The following PHF24 variants were observed in gnomAD, a reference collection of about 807,000 sequenced individuals.
The protein encoded by PHF24 is Galpha inhibitory interacting protein.
A neutral mutation model predicts 42.6 loss-of-function variants in PHF24; 25 were observed. The ratio of observed to expected loss-of-function variants is 0.59; its 90% confidence interval spans 0.43 to 0.82. PHF24 has a LOEUF of 0.82. Among genes scored for constraint, PHF24 ranks in the 40% least tolerant of loss-of-function variants. The pLI is 0.00. For missense variants in PHF24, 470 were observed against 538.1 expected (o/e 0.87, Z 1.25); for synonymous variants, 185 against 204.8 (o/e 0.90, Z 0.83).
the PHF24 span, among the ~76,000 whole-genome samples, chr9:34,716,496 G>A: frequency 6.6e-6 from 1 of 152,094 alleles, no homozygotes; most frequent in Non-Finnish European, 1.5e-5. Context: ...CTTAATCCAA[G>A]GAGATAAATT....
the PHF24 span, among the ~76,000 whole-genome samples, chr9:34,756,053 T>A: frequency 6.6e-6 from 1 of 152,254 alleles, no homozygotes; most frequent in East Asian, 1.9e-4. Flanking sequence ...CTGGTAGTTT[T>A]AAAGTTTTTG....
At chr9:34,853,619 G>C in the PHF24 span, among the ~76,000 whole-genome samples, 2 of 151,874 alleles carry the variant, frequency 1.3e-5, no homozygotes, top group African/African-American at 4.8e-5. Context: ...ACGAGGTCAG[G>C]AGATCGAGAC....
the PHF24 span, among the ~76,000 whole-genome samples, chr9:34,944,043 C>G: frequency 6.6e-6 from 1 of 152,236 alleles, no homozygotes; most frequent in African/African-American, 2.4e-5. Flanking sequence ...TGCTTGCTCA[C>G]TTTCCTCAGC....
At chr9:34,837,733 G>A in the PHF24 span, 1 of 1,393,548 alleles carries the variant, frequency 7.2e-7, no homozygotes, top group East Asian at 2.5e-5. Flanking sequence ...TGTGAAGCTG[G>A]GACACCATTT....
At chr9:34,848,436 T>C in the PHF24 span, among the ~76,000 whole-genome samples, 20 of 151,714 alleles carry the variant, frequency 1.3e-4, no homozygotes, top group South Asian at 4.2e-4. Context: ...TCTGTGGGAT[T>C]GGTGGTGATA....
upstream of PHF24, among the ~76,000 whole-genome samples, chr9:34,956,402 G>A (rs190498060): frequency 2.1e-3 from 317 of 152,302 alleles, 2 homozygotes; most frequent in Non-Finnish European, 2.9e-3. Flanking sequence ...TGGGACCACA[G>A]GCGCGTGCCA....
At chr9:34,714,768 A>G in the PHF24 span, among the ~76,000 whole-genome samples, 1 of 152,156 alleles carries the variant, frequency 6.6e-6, no homozygotes, top group African/African-American at 2.4e-5. Flanking sequence ...ATTGTAGAAA[A>G]AAAGGAGAGA....
chr9:34,945,400 GGCTGGGAGA>G, the PHF24 span, among the ~76,000 whole-genome samples: 1 of 152,216 alleles, frequency 6.6e-6, no homozygotes, highest in African/African-American at 2.4e-5. Flanking sequence ...AATCAGAGAA[GGCTGGGAGA>G]GCTATCAGAA....
the PHF24 span, chr9:34,665,939 T>C: frequency 3.8e-6 from 2 of 525,438 alleles, no homozygotes; most frequent in Non-Finnish European, 6.8e-6. Context: ...GCTGGGAGAT[T>C]TGGGGCCCTG....
chr9:34,797,722 CG>C, the PHF24 span, among the ~76,000 whole-genome samples: 6 of 151,394 alleles, frequency 4.0e-5, no homozygotes, highest in East Asian at 9.7e-4. Flanking sequence ...GCTAGGGTCT[CG>C]GGGGGGTTTT....
the PHF24 span, among the ~76,000 whole-genome samples, chr9:34,899,784 G>T: frequency 3.3e-5 from 5 of 152,248 alleles, no homozygotes; most frequent in South Asian, 1.0e-3. Flanking sequence ...CTAGTCCTGT[G>T]ACATCTCTAC....
the PHF24 span, among the ~76,000 whole-genome samples, chr9:34,768,878 C>T: frequency 1.3e-5 from 2 of 150,792 alleles, no homozygotes; most frequent in Admixed American, 6.6e-5. Context: ...CTAAAATTTA[C>T]TACTACTAGT....
the PHF24 span, chr9:34,837,360 G>A: frequency 2.6e-6 from 1 of 382,598 alleles, no homozygotes; most frequent in African/African-American, 2.1e-5. Context: ...AGATGCCCAT[G>A]TTATGGCAAA....
At chr9:34,686,500 C>T in the PHF24 span, among the ~76,000 whole-genome samples, 4 of 152,294 alleles carry the variant, frequency 2.6e-5, 1 homozygote, top group South Asian at 8.3e-4. Context: ...TATTTCATGC[C>T]AGACCCTGGC....
At chr9:34,889,556 A>G in the PHF24 span, 1 of 398,544 alleles carries the variant, frequency 2.5e-6, no homozygotes, top group East Asian at 3.6e-5. Flanking sequence ...TGGATTCCTC[A>G]TGCCTTCGAT....
At chr9:34,858,618 G>A in the PHF24 span, among the ~76,000 whole-genome samples, 1 of 152,216 alleles carries the variant, frequency 6.6e-6, no homozygotes, top group African/African-American at 2.4e-5. Context: ...TGGTGCCTGA[G>A]CCCAAGGGTG....
the PHF24 span, among the ~76,000 whole-genome samples, chr9:34,862,448 C>T: frequency 6.6e-6 from 1 of 151,996 alleles, no homozygotes; most frequent in Admixed American, 6.6e-5. Flanking sequence ...AGTTTGGTGT[C>T]CAGCCCAGCC....
intron 1 of PHF24, among the ~76,000 whole-genome samples, chr9:34,959,171 AG>A (rs1826502294): frequency 6.6e-6 from 1 of 152,216 alleles, no homozygotes; most frequent in Non-Finnish European, 1.5e-5. Context: ...TCTAAAGCAA[AG>A]ATAGGAGATT....
At chr9:34,819,652 A>G in the PHF24 span, among the ~76,000 whole-genome samples, 1 of 152,152 alleles carries the variant, frequency 6.6e-6, no homozygotes, top group African/African-American at 2.4e-5. Context: ...ATTCTATTGT[A>G]TTTAGAGAAC....
Sources: allele counts gnomAD v4.1 joint callset (sites outside exome capture counted in the v4.1 genomes callset), GRCh38; gene constraint gnomAD v4.1.1; transcripts MANE v1.5; gene names NCBI Gene and HGNC (gene_info 2026-07-23, HGNC 2026-07-21).